The following ANK1 variants were observed in gnomAD, a reference collection of about 807,000 sequenced individuals.
ANK1 encodes ankyrin-1.
A neutral mutation model predicts 210.4 loss-of-function variants in ANK1; 51 were observed. The ratio of observed to expected loss-of-function variants is 0.24; its 90% CI spans 0.19 to 0.31. The LOEUF (loss-of-function observed/expected upper bound fraction) is 0.31, where lower values mean the gene tolerates loss of function less well. Ranked by LOEUF, ANK1 falls within the 10% of genes least tolerant of loss-of-function variation. The pLI is 1.00. For missense variants in ANK1, 2,051 were observed against 2,504.4 expected (o/e 0.82, Z 3.86); for synonymous variants, 967 against 1,025.9 (o/e 0.94, Z 1.10).
chr8:41,821,834 G>C (rs1804307472), intron 1 of ANK1, among the ~76,000 whole-genome samples: 1 of 152,086 alleles, frequency 6.6e-6, no homozygotes, highest in Non-Finnish European at 1.5e-5. Flanking sequence ...GATCACCTGA[G>C]GTCAGGAGTT....
chr8:41,657,386 G>A (rs1349774263), intron 42 of ANK1, among the ~76,000 whole-genome samples: 1 of 152,166 alleles, frequency 6.6e-6, no homozygotes, highest in African/African-American at 2.4e-5. Context: ...CATTAGAGAG[G>A]TGTGATGTTT....
chr8:41,764,113 C>T (rs1841196398), intron 1 of ANK1, among the ~76,000 whole-genome samples: 1 of 151,928 alleles, frequency 6.6e-6, no homozygotes, highest in African/African-American at 2.4e-5. Context: ...AATATAGGTC[C>T]TTGCTCTCTT....
intron 2 of ANK1, among the ~76,000 whole-genome samples, chr8:41,743,597 G>A (rs1020074356): frequency 6.6e-6 from 1 of 152,190 alleles, no homozygotes; most frequent in Non-Finnish European, 1.5e-5. Flanking sequence ...CGTGTCTGGG[G>A]TCTGAGAAAG....
chr8:41,878,959 G>A (rs1022204683), intron 1 of ANK1, among the ~76,000 whole-genome samples: 3 of 152,146 alleles, frequency 2.0e-5, no homozygotes, highest in Admixed American at 1.3e-4. Flanking sequence ...GCTACTCAGG[G>A]AGGCTGAGGC....
At chr8:41,740,164 T>G (rs1425039038) in intron 2 of ANK1, among the ~76,000 whole-genome samples, 2 of 42,578 alleles carry the variant, frequency 4.7e-5, no homozygotes, top group Admixed American at 6.2e-4. Context: ...TGTTTTTGAT[T>G]TTTTTTTTTT....
At chr8:41,696,947 G>C (rs1821205939) in intron 24 of ANK1, among the ~76,000 whole-genome samples, 174 bp from the exon 25 acceptor site, 1 of 152,186 alleles carries the variant, frequency 6.6e-6, no homozygotes, top group Admixed American at 6.5e-5. Flanking sequence ...AGGTCTAAAA[G>C]GAAGCACGAG....
chr8:41,850,347 T>C (rs537907398), intron 1 of ANK1, among the ~76,000 whole-genome samples: 6 of 152,162 alleles, frequency 3.9e-5, no homozygotes, highest in African/African-American at 1.2e-4. Flanking sequence ...ATAATAAAAA[T>C]TTAAAATCAA....
intron 20 of ANK1, among the ~76,000 whole-genome samples, chr8:41,703,451 T>TA (rs1554555252): frequency 0.019 from 703 of 37,146 alleles, 1 homozygote; most frequent in Admixed American, 0.027. Flanking sequence ...TATATATATA[T>TA]TTTTTTTTTT....
At chr8:41,805,626 CTATG>C (rs1401696266) in intron 1 of ANK1, among the ~76,000 whole-genome samples, 3 of 152,242 alleles carry the variant, frequency 2.0e-5, no homozygotes, top group African/African-American at 7.2e-5. Context: ...GTTTCTAAAA[CTATG>C]TATATATTAA....
At chr8:41,737,106 C>T (rs745354308) in intron 2 of ANK1, among the ~76,000 whole-genome samples, 10 of 152,126 alleles carry the variant, frequency 6.6e-5, no homozygotes, top group Admixed American at 2.0e-4. Flanking sequence ...CGAGACCAGC[C>T]GGGACAGCAT....
At chr8:41,740,836 C>T (rs1834612073) in intron 2 of ANK1, among the ~76,000 whole-genome samples, 2 of 152,222 alleles carry the variant, frequency 1.3e-5, no homozygotes, top group South Asian at 4.1e-4. Context: ...GCCCAACTGG[C>T]AGACCTGTGG....
At chr8:41,741,758 C>T (rs1440461162) in intron 2 of ANK1, among the ~76,000 whole-genome samples, 1 of 152,104 alleles carries the variant, frequency 6.6e-6, no homozygotes, top group Non-Finnish European at 1.5e-5. Context: ...AAAAAATGAT[C>T]ACTTTGTAAA....
intron 38 of ANK1, among the ~76,000 whole-genome samples, chr8:41,671,329 GCA>G (rs764317716): frequency 6.6e-5 from 10 of 152,164 alleles, no homozygotes; most frequent in Admixed American, 2.6e-4. Context: ...CTGTGTGACT[GCA>G]CACAAATAAC....
At position 41,727,205 on chromosome 8, in the gene ANK1, C is replaced by A; in HGVS notation, c.426+45G>T. On this transcript the variant is annotated intron_variant, in intron 5 of 42. Transcript: ENST00000289734. ...GTGTCACCTGAAGCAAGGTTGTACACCTGGGAGACTTCTGGTGGTGACGAC... is the reference window on the plus strand; with the variant it reads ...GTGTCACCTGAAGCAAGGTTGTACAACTGGGAGACTTCTGGTGGTGACGAC... 3 of 1,501,260 alleles carry A rather than the reference C, an allele frequency of 2.0e-6. 1 individual carries two copies. In the South Asian group the frequency reaches 3.4e-5, roughly 17 times the overall value. 93.0% of individuals were successfully genotyped at this position (1,501,260 alleles called of 1,614,324 possible).
intron 23 of ANK1, among the ~76,000 whole-genome samples, chr8:41,698,744 C>T (rs1352985248): frequency 1.3e-5 from 2 of 152,086 alleles, no homozygotes. Flanking sequence ...CAGAGGTATA[C>T]AGTCAAGAGT....
chr8:41,773,116 G>C (rs1383853743), intron 1 of ANK1, among the ~76,000 whole-genome samples: 1 of 152,226 alleles, frequency 6.6e-6, no homozygotes, highest in Non-Finnish European at 1.5e-5. Flanking sequence ...GAAAGGGAGA[G>C]AGGAATGGAG....
chr8:41,664,727 C>A, intron 39 of ANK1: 1 of 1,416,852 alleles, frequency 7.1e-7, no homozygotes, highest in South Asian at 1.2e-5. Context: ...GTCCGGAGCT[C>A]CCCACAGCAG....
intron 1 of ANK1, among the ~76,000 whole-genome samples, chr8:41,877,665 T>C (rs1027885752): frequency 6.6e-6 from 1 of 152,066 alleles, no homozygotes; most frequent in Non-Finnish European, 1.5e-5. Context: ...CCATTTCAGA[T>C]AGTGAAGAAA....
intron 26 of ANK1, among the ~76,000 whole-genome samples, chr8:41,695,549 C>G (rs1820659492): frequency 6.6e-6 from 1 of 152,244 alleles, no homozygotes; most frequent in Non-Finnish European, 1.5e-5. Flanking sequence ...CCTGCAGTGA[C>G]AGTGAGGGCA....
Sources: allele counts gnomAD v4.1 joint callset (sites outside exome capture counted in the v4.1 genomes callset), GRCh38; gene constraint gnomAD v4.1.1; transcripts MANE v1.5; gene names NCBI Gene and HGNC (gene_info 2026-07-23, HGNC 2026-07-21).